The following GULP1 variants were observed in gnomAD, a reference collection of about 807,000 sequenced individuals.
GULP1 encodes GULP PTB domain containing engulfment adaptor 1, also known as PTB domain-containing engulfment adapter protein 1.
GULP1 carries 19 observed loss-of-function variants against 40.9 expected under a neutral mutation model. The observed-to-expected ratio is 0.46, with a 90% CI of 0.32 to 0.68. The LOEUF is 0.68. GULP1 is among the 30% of genes least tolerant of loss of function. The pLI is 0.03. For missense variants in GULP1, 312 were observed against 362.2 expected, an observed-to-expected ratio of 0.86 and a Z score of 1.12; for synonymous variants, 119 against 117.6, an observed-to-expected ratio of 1.01 and a Z score of -0.08.
chr2:188,314,740 G>A (rs550819043), intron 1 of GULP1, among the ~76,000 whole-genome samples: 3 of 152,136 alleles, frequency 2.0e-5, no homozygotes, highest in East Asian at 3.9e-4. Flanking sequence ...AGTTACCTCC[G>A]GTCAATTGTG....
intron 11 of GULP1, 63 bp downstream of exon 11, chr2:188,588,012 A>G (rs1702758932): frequency 1.2e-6 from 1 of 865,658 alleles, no homozygotes; most frequent in Non-Finnish European, 2.0e-6. Flanking sequence ...GACAAAGAGA[A>G]TGTTATGTAC....
intron 2 of GULP1, among the ~76,000 whole-genome samples, chr2:188,438,279 G>T (rs1360500867): frequency 6.6e-6 from 1 of 151,730 alleles, no homozygotes; most frequent in African/African-American, 2.4e-5. Flanking sequence ...ACATCTTATT[G>T]GCCAATGCAG....
chr2:188,328,691 G>C (rs148939329), intron 1 of GULP1, among the ~76,000 whole-genome samples: 67 of 152,148 alleles, frequency 4.4e-4, no homozygotes, highest in African/African-American at 1.4e-3. Flanking sequence ...CATACAATGA[G>C]TTCTAAATGT....
chr2:188,336,796 A>C (rs1308639541), intron 1 of GULP1, among the ~76,000 whole-genome samples: 1 of 152,222 alleles, frequency 6.6e-6, no homozygotes, highest in Non-Finnish European at 1.5e-5. Flanking sequence ...GGACCACTAA[A>C]AGACTAGTGT....
intron 1 of GULP1, among the ~76,000 whole-genome samples, chr2:188,305,646 A>G (rs2036935023): frequency 6.6e-6 from 1 of 152,238 alleles, no homozygotes; most frequent in Non-Finnish European, 1.5e-5. Flanking sequence ...GATGAAAAAC[A>G]ATATATAATT....
At chr2:188,574,503 A>G (rs1699772121) in intron 9 of GULP1, among the ~76,000 whole-genome samples, 1 of 152,096 alleles carries the variant, frequency 6.6e-6, no homozygotes, top group Non-Finnish European at 1.5e-5. Context: ...GCATGCCTGT[A>G]GTCTCAGCTA....
intron 1 of GULP1, among the ~76,000 whole-genome samples, chr2:188,296,920 GTC>G (rs1428279682): frequency 6.6e-6 from 1 of 151,776 alleles, no homozygotes; most frequent in Non-Finnish European, 1.5e-5. Context: ...CTGTCTCTCT[GTC>G]TCTGTCGTTC....
chr2:188,387,061 C>A (rs10198025), intron 2 of GULP1, among the ~76,000 whole-genome samples: 1 of 151,704 alleles, frequency 6.6e-6, no homozygotes, highest in East Asian at 1.9e-4. Flanking sequence ...CATGATGAAA[C>A]CCCGTCTCTA....
At chr2:188,583,832 C>A (rs562043736) in intron 9 of GULP1, among the ~76,000 whole-genome samples, 1 of 152,262 alleles carries the variant, frequency 6.6e-6, no homozygotes, top group South Asian at 2.1e-4. Context: ...TTTAAGAAGG[C>A]AGGTCACTTA....
chr2:188,563,858 C>G (rs1696969385), intron 7 of GULP1, among the ~76,000 whole-genome samples: 1 of 151,914 alleles, frequency 6.6e-6, no homozygotes, highest in African/African-American at 2.4e-5. Flanking sequence ...TTTCTTATGA[C>G]ATAGACTTAA....
At chr2:188,528,821 C>T (rs1686831936) in intron 5 of GULP1, among the ~76,000 whole-genome samples, 1 of 152,092 alleles carries the variant, frequency 6.6e-6, no homozygotes, top group Non-Finnish European at 1.5e-5. Flanking sequence ...TGAGTTTTCT[C>T]AACTGTCTGG....
chr2:188,317,763 A>G (rs2039330654), intron 1 of GULP1, among the ~76,000 whole-genome samples: 1 of 151,208 alleles, frequency 6.6e-6, no homozygotes, highest in Non-Finnish European at 1.5e-5. Flanking sequence ...ATAAACATGT[A>G]TTTTAAAATA....
intron 2 of GULP1, among the ~76,000 whole-genome samples, chr2:188,416,774 T>C (rs1410532897): frequency 2.0e-5 from 3 of 152,180 alleles, no homozygotes; most frequent in African/African-American, 7.2e-5. Flanking sequence ...CTTGAACATA[T>C]AGTAGTTAGT....
chr2:188,584,671 T>A (rs1200414284), intron 10 of GULP1, among the ~76,000 whole-genome samples: 1 of 152,000 alleles, frequency 6.6e-6, no homozygotes, highest in African/African-American at 2.4e-5. Flanking sequence ...TAATTATATA[T>A]CACTGTTTTG....
At chr2:188,477,950 A>G (rs534805521) in intron 3 of GULP1, among the ~76,000 whole-genome samples, 2 of 152,174 alleles carry the variant, frequency 1.3e-5, no homozygotes, top group Non-Finnish European at 2.9e-5. Flanking sequence ...TTCACAATAC[A>G]TATGTGATAA....
chr2:188,432,037 T>C (rs1332124193), intron 2 of GULP1, among the ~76,000 whole-genome samples: 1 of 151,660 alleles, frequency 6.6e-6, no homozygotes, highest in East Asian at 1.9e-4. Flanking sequence ...CAGAATTATA[T>C]AGGAACTAGA....
chr2:188,297,436 G>A (rs2035203282), intron 1 of GULP1: 3 of 455,170 alleles, frequency 6.6e-6, no homozygotes, highest in South Asian at 4.9e-5. Flanking sequence ...GTGTTTTCCT[G>A]GTATGGTACA....
intron 1 of GULP1, among the ~76,000 whole-genome samples, chr2:188,311,203 T>G (rs893614103): frequency 1.4e-5 from 2 of 147,120 alleles, no homozygotes; most frequent in African/African-American, 4.9e-5. Context: ...CCACAAATAC[T>G]TTTTTTTTTT....
chr2:188,302,738 C>T (rs1053483351), intron 1 of GULP1, among the ~76,000 whole-genome samples: 2 of 152,088 alleles, frequency 1.3e-5, no homozygotes, highest in East Asian at 3.9e-4. Flanking sequence ...ATCTGCATTG[C>T]CAAATTTAGC....
Sources: allele counts gnomAD v4.1 joint callset (sites outside exome capture counted in the v4.1 genomes callset), GRCh38; gene constraint gnomAD v4.1.1; transcripts MANE v1.5; gene names NCBI Gene and HGNC (gene_info 2026-07-23, HGNC 2026-07-21).